Variants in BCAS3 observed in about 807,000 individuals in gnomAD.
BCAS3 encodes the protein BCAS3 microtubule associated cell migration factor.
A neutral mutation model predicts 116.1 loss-of-function variants in BCAS3; 53 were observed. That is an observed-to-expected ratio of 0.46 (90% CI 0.37 to 0.57). BCAS3 has a LOEUF of 0.57. Among genes scored for constraint, BCAS3 ranks in the 20% least tolerant of loss-of-function variants. BCAS3 has a pLI of 0.00. For synonymous variants in BCAS3, 391 were observed against 408.2 expected (o/e 0.96, Z 0.51); for missense variants, 917 against 1,165.4 (o/e 0.79, Z 3.10).
chr17:60,922,346 C>T (rs765948096), intron 12 of BCAS3, among the ~76,000 whole-genome samples: 1 of 152,080 alleles, frequency 6.6e-6, no homozygotes, highest in Non-Finnish European at 1.5e-5. Context: ...AGGCTGGTCT[C>T]GAACTCCTGA....
At chr17:60,733,192 A>G (rs1030912012) in intron 5 of BCAS3, among the ~76,000 whole-genome samples, 1 of 152,256 alleles carries the variant, frequency 6.6e-6, no homozygotes, top group Non-Finnish European at 1.5e-5. Flanking sequence ...TTTTAAAACG[A>G]AACTCAGATT....
intron 13 of BCAS3, among the ~76,000 whole-genome samples, chr17:60,945,561 G>A (rs1177625786): frequency 2.0e-5 from 3 of 152,194 alleles, no homozygotes; most frequent in Non-Finnish European, 4.4e-5. Context: ...AGCACTTTGG[G>A]AGGCTGAGGT....
At chr17:61,005,970 C>T (rs1344895030) in intron 15 of BCAS3, among the ~76,000 whole-genome samples, 1 of 151,900 alleles carries the variant, frequency 6.6e-6, no homozygotes, top group Non-Finnish European at 1.5e-5. Flanking sequence ...ACCACAGTCC[C>T]CAGAGTGTGA....
rs898246032 is a variant in BCAS3 at position 61,380,386 on chromosome 17, C to A, written c.2594-11591C>A. ...TGGGAACAGACCATGAACACCCCCG[C>A]AAAGCTCTCAGTGGTCAAACCAGAT... On this transcript the variant is annotated intron_variant, in intron 23 of 23. Coordinates refer to ENST00000407086, the MANE Select transcript of BCAS3 (RefSeq NM_017679.5). This position sits in a 1 kb window ranked among gnomAD's most constrained non-coding sequence, Gnocchi z 4.2. 6.8e-6 allele frequency: 6 copies of A among 882,574 alleles called. No individual in the cohort carries two copies. The African/African-American group carries it at 9.9e-5, about 15-fold the overall frequency. The allele number at this position is 882,574 out of a possible 1,614,324, so 54.7% of individuals were successfully genotyped here.
chr17:61,285,979 C>T lies in BCAS3; in HGVS notation c.2426-82348C>T, dbSNP rs192490912. On this transcript the variant is annotated intron_variant, in intron 22 of 23. Transcript: ENST00000407086. This position sits in a 1 kb window ranked among gnomAD's most constrained non-coding sequence, Gnocchi z 5.4. ...AATATTGCAGTTTGTCTTGTGAAAC[C>T]TCAGACCTAAAACCAGCCCCAGGCT... Among the ~76,000 whole-genome samples the T allele has an allele frequency of 5.3e-5, 8 of 152,330 alleles. No individual in the cohort carries two copies. The highest frequency in any genetic ancestry group is 1.9e-4 in the African/African-American group (8 of 41,570).
Position 61,164,095 on chromosome 17 carries a change from CTT to C in BCAS3, c.2425+79549_2425+79550del, listed in dbSNP as rs11350775. Among the ~76,000 whole-genome samples, 975 of 134,498 alleles carry C rather than the reference CTT, an allele frequency of 7.2e-3. 7 individuals carry two copies. Among genetic ancestry groups the C allele is most frequent in the African/African-American group, 0.022 (758 of 34,708 alleles). 88.2% of individuals were successfully genotyped at this position (134,498 alleles called of 152,430 possible). ...ACTGAAATCAGTGATAAAGACATGA[CTT>C]TTTTTTTTTTTTTTTTTGGAAACAT... On this transcript the variant is annotated intron_variant, in intron 22 of 23. Coordinates refer to ENST00000407086, the MANE Select transcript of BCAS3 (RefSeq NM_017679.5).
At chr17:60,865,385 C>T (rs563509823) in intron 7 of BCAS3, among the ~76,000 whole-genome samples, 2 of 152,148 alleles carry the variant, frequency 1.3e-5, no homozygotes, top group South Asian at 4.2e-4. Flanking sequence ...GGAGACTTGC[C>T]ATCTTAAGAA....
At position 61,220,730 on chromosome 17, in the gene BCAS3, A is replaced by G. The variant is rs1396755856; in HGVS notation, c.2425+136166A>G. 6.6e-6 allele frequency among the ~76,000 whole-genome samples: 1 copy of G among 152,184 alleles called. No individual in the cohort carries two copies. ...AGAAAAAAAAAGTGGCCAAATTAAC[A>G]AGGTTGTTGGTGTGATACAAGAACT... is the stretch of plus-strand genomic sequence containing the variant. On this transcript the variant is annotated intron_variant, in intron 22 of 23. Coordinates refer to ENST00000407086, the MANE Select transcript of BCAS3 (RefSeq NM_017679.5). This position sits in a 1 kb window ranked among gnomAD's most constrained non-coding sequence, Gnocchi z 4.5.
In BCAS3 at chr17:61,309,349, C is replaced by T. The variant is rs1374175463; in HGVS notation, c.2426-58978C>T. Among the ~76,000 whole-genome samples the T allele has an allele frequency of 6.6e-6, 1 of 151,996 alleles. No individual in the cohort carries two copies. On this transcript the variant is annotated intron_variant, in intron 22 of 23. Transcript: ENST00000407086. The surrounding 1 kb of genome is among the most constrained non-coding windows in gnomAD (Gnocchi z 4.6). ...TGGAGAGGCGGTGTCCATTTTTTGA[C>T]GGAACTGGTATGGGCAGATGAGCAT...
rs372665908 is a variant in BCAS3 at position 60,749,886 on chromosome 17, G to A, written c.403+2607G>A. On this transcript the variant is annotated intron_variant, in intron 6 of 23. Transcript: ENST00000407086. ...GCTAACATTTGAAAATTAATCAATGGGATGGGCACGGTGGTTCATGCCTGT... is the reference window on the plus strand; with the variant it reads ...GCTAACATTTGAAAATTAATCAATGAGATGGGCACGGTGGTTCATGCCTGT... 5.3e-5 allele frequency among the ~76,000 whole-genome samples: 8 copies of A among 152,160 alleles called. No homozygotes were observed. In the East Asian group the frequency reaches 5.8e-4, roughly 11 times the overall value.
At chr17:61,207,587 T>C (rs2081218462) in intron 22 of BCAS3, among the ~76,000 whole-genome samples, 1 of 151,994 alleles carries the variant, frequency 6.6e-6, no homozygotes, top group Non-Finnish European at 1.5e-5. Context: ...GGCTTCCCTA[T>C]GGATGTTGTC....
In BCAS3 at chr17:60,876,760, T is replaced by C. The variant is rs1198067682; in HGVS notation, c.661+2022T>C. Among the ~76,000 whole-genome samples the C allele has an allele frequency of 2.6e-5, 4 of 152,284 alleles. No individual in the cohort carries two copies. In the East Asian group the frequency reaches 7.7e-4, roughly 29 times the overall value. On this transcript the variant is annotated intron_variant, in intron 9 of 23. Transcript: ENST00000407086. Reference sequence around the variant, plus strand: ...TGCCTCTCTTGAGGCACTTACATTCTATCTTGTATACATTTTCTATCTGTT... The same window carrying C: ...TGCCTCTCTTGAGGCACTTACATTCCATCTTGTATACATTTTCTATCTGTT...
intron 14 of BCAS3, among the ~76,000 whole-genome samples, chr17:60,965,024 G>T (rs373013529): frequency 6.6e-6 from 1 of 151,630 alleles, no homozygotes; most frequent in African/African-American, 2.4e-5. Context: ...TTTTAGCTTC[G>T]ATTTCATTAG....
intron 7 of BCAS3, among the ~76,000 whole-genome samples, chr17:60,812,462 T>G (rs970708969): frequency 5.9e-5 from 9 of 152,196 alleles, no homozygotes; most frequent in Non-Finnish European, 1.0e-4. Context: ...AGGGCACTTG[T>G]GACTTTTTGG....
intron 22 of BCAS3, among the ~76,000 whole-genome samples, chr17:61,191,784 AG>A (rs2080143562): frequency 1.4e-5 from 2 of 141,484 alleles, no homozygotes; most frequent in Admixed American, 6.8e-5. Flanking sequence ...CAAAAAAAAA[AG>A]AAAAGAAAAG....
chr17:61,147,900 C>T (rs186630712), intron 22 of BCAS3, among the ~76,000 whole-genome samples: 4 of 151,852 alleles, frequency 2.6e-5, no homozygotes, highest in Admixed American at 6.6e-5. Context: ...GCACGAGGAT[C>T]GCTTGAACCT....
rs767309148 is a variant in BCAS3, at chr17:61,021,628, G to A, written c.1637+5727G>A. 5.9e-5 allele frequency among the ~76,000 whole-genome samples: 9 copies of A among 152,128 alleles called. No homozygotes were observed. The highest frequency in any genetic ancestry group is 3.3e-4 in the Admixed American group (5 of 15,280). On this transcript the variant is annotated intron_variant, in intron 16 of 23. Coordinates refer to ENST00000407086, the MANE Select transcript of BCAS3 (RefSeq NM_017679.5). The surrounding 1 kb of genome is among the most constrained non-coding windows in gnomAD (Gnocchi z 4.6). Reference sequence around the variant, plus strand: ...ACCAGTTCTTTGGTCCCATTTCTAAGCCTCAGGACTGTTGAGCAGCCGTAA... The same window carrying A: ...ACCAGTTCTTTGGTCCCATTTCTAAACCTCAGGACTGTTGAGCAGCCGTAA...
chr17:60,939,701 CT>C (rs1022225653), intron 13 of BCAS3, among the ~76,000 whole-genome samples: 2 of 152,118 alleles, frequency 1.3e-5, no homozygotes, highest in Non-Finnish European at 2.9e-5. Context: ...CACAAGGGAA[CT>C]TTTTTTGAAT....
intron 18 of BCAS3, among the ~76,000 whole-genome samples, chr17:61,038,405 A>G (rs1251585258): frequency 6.6e-6 from 1 of 150,740 alleles, no homozygotes; most frequent in Non-Finnish European, 1.5e-5. Context: ...GGCACACGCC[A>G]CCACACCTAG....
Sources: gnomAD v4.1 joint callset for allele counts (sites outside exome capture counted in the v4.1 genomes callset) on GRCh38, gnomAD v4.1.1 for gene constraint, Gnocchi (gnomAD v3.1) non-coding constraint, MANE v1.5 for transcripts, NCBI Gene and HGNC (gene_info 2026-07-23, HGNC 2026-07-21) for gene names.